The following ADAD1 variants were observed in gnomAD, a reference collection of about 807,000 sequenced individuals.
The protein encoded by ADAD1 is adenosine deaminase domain containing 1.
In ADAD1, 46 loss-of-function variants were observed where a neutral mutation model predicts 66.8. The observed-to-expected ratio is 0.69, with a 90% CI of 0.54 to 0.88. The LOEUF is 0.88. Ranked by LOEUF, ADAD1 falls within the 40% of genes least tolerant of loss-of-function variation. The probability of loss-of-function intolerance (pLI) is 0.00; values close to 1 mark genes in which losing one functional copy is unlikely to be tolerated. For synonymous variants in ADAD1, 248 were observed against 229.4 expected, an observed-to-expected ratio of 1.08 and a Z score of -0.73; for missense variants, 617 against 681.8, an observed-to-expected ratio of 0.91 and a Z score of 1.06.
At chr4:122,396,400 A>G in intron 7 of ADAD1, 23 bp downstream of exon 7, 1 of 1,543,300 alleles carries the variant, frequency 6.5e-7, no homozygotes, top group South Asian at 1.3e-5. Context: ...ATTTGGGAAA[A>G]ACTAATATTG....
At chr4:122,383,187 GTT>G (rs1183884058) in intron 4 of ADAD1, among the ~76,000 whole-genome samples, 16 of 151,998 alleles carry the variant, frequency 1.1e-4, no homozygotes, top group Non-Finnish European at 2.4e-4. Context: ...TAATTCTTTA[GTT>G]TATCATTATG....
rs1203549129 is a variant in ADAD1, at chr4:122,387,747, T to TTTTTTG, written c.529+3786_529+3787insGTTTTT. The stretch of plus-strand genomic sequence containing the variant: ...ATACCTTATATATTGAGAGGTTTTT[T>TTTTTTG]TTTTTTGTTTTTTGTTTTTTGTTTT... On this transcript the variant is annotated intron_variant, in intron 5 of 12. Transcript: ENST00000296513. Among the ~76,000 whole-genome samples, 12 of 151,932 alleles carry TTTTTTG rather than the reference T, an allele frequency of 7.9e-5. No homozygotes were observed. In the East Asian group the frequency reaches 2.3e-3, roughly 29 times the overall value.
rs28888457 is a variant in ADAD1 at position 122,388,451 on chromosome 4, C to A, written c.529+4485C>A. 7.0e-3 allele frequency among the ~76,000 whole-genome samples: 1,065 copies of A among 152,244 alleles called. 7 individuals are homozygous for A. The highest frequency in any genetic ancestry group is 0.024 in the African/African-American group (1,010 of 41,548). ...AGTTTCAGAAGGAATGGTACCAGCT[C>A]CTCTTTGTATTTCTGGTAGAATTCA... is the stretch of plus-strand genomic sequence containing the variant. On this transcript the variant is annotated intron_variant, in intron 5 of 12. Coordinates refer to ENST00000296513, the MANE Select transcript of ADAD1 (RefSeq NM_139243.4).
At chr4:122,425,976 T>C in intron 12 of ADAD1, among the ~76,000 whole-genome samples, 1 of 151,502 alleles carries the variant, frequency 6.6e-6, no homozygotes, top group South Asian at 2.1e-4. Flanking sequence ...TCAAAGTAAG[T>C]GGAAGGAAGG....
intron 12 of ADAD1, 116 bp from the exon 13 acceptor site, chr4:122,429,510 A>T (rs1407990354): frequency 3.3e-6 from 2 of 601,356 alleles, no homozygotes; most frequent in Non-Finnish European, 2.8e-6. Flanking sequence ...TATAGGAATT[A>T]AAAAAGACTT....
intron 7 of ADAD1, among the ~76,000 whole-genome samples, chr4:122,396,915 A>G (rs1281060096): frequency 1.3e-5 from 2 of 152,190 alleles, no homozygotes; most frequent in African/African-American, 4.8e-5. Context: ...AGATAAATAT[A>G]CTAGTCGAAA....
chr4:122,380,269 A>C (rs1561526910), intron 3 of ADAD1, 28 bp downstream of exon 3: 1 of 1,587,752 alleles, frequency 6.3e-7, no homozygotes. Flanking sequence ...TGTAACAATG[A>C]GTCAGTTCTT....
chr4:122,393,661 G>C lies in ADAD1; in HGVS notation c.598+4G>C. On this transcript the variant is annotated splice_donor_region_variant and intron_variant, in intron 6 of 12. Coordinates refer to ENST00000296513, the MANE Select transcript of ADAD1 (RefSeq NM_139243.4). The stretch of plus-strand genomic sequence containing the variant: ...TATGTTTCAAAAGTACATTATGGTA[G>C]GAAAGTTTTTTGTGACGTTCTTCTT... 6.3e-7 allele frequency: 1 copy of C among 1,582,540 alleles called. No homozygotes were observed. The highest frequency in any genetic ancestry group is 8.6e-7 in the Non-Finnish European group (1 of 1,167,722).
chr4:122,393,752 C>T (rs1318054306), intron 6 of ADAD1, 95 bp downstream of exon 6: 19 of 901,906 alleles, frequency 2.1e-5, no homozygotes, highest in Middle Eastern at 6.1e-4. Context: ...TGAAAATGTA[C>T]ATTAACACTT....
chr4:122,396,306 A>G lies in ADAD1; in HGVS notation c.653A>G (p.Asn218Ser). 1.2e-6 allele frequency: 2 copies of G among 1,600,848 alleles called. No homozygotes were observed. Among genetic ancestry groups the G allele is most frequent in the Non-Finnish European group, 1.7e-6 (2 of 1,174,290 alleles). ...TCACAGATCGTTAAAGAAAGATTTA[A>G]TCAACTAATTTCTAATCGTTCAGAA... ...KISQIVKERFNQLISNRSEYL... is the reference protein window; with the variant it reads ...KISQIVKERFSQLISNRSEYL... The change falls in exon 7 of 13, where the codon AAT becomes AGT. Residue 218 changes from asparagine (N) to serine (S), a missense_variant. Physicochemically the swap from Asn to Ser is conservative, Grantham distance 46 (BLOSUM62 1). Coordinates refer to ENST00000296513, the MANE Select transcript of ADAD1 (RefSeq NM_139243.4).
At chr4:122,384,161 A>C (rs1375419221) in intron 5 of ADAD1, among the ~76,000 whole-genome samples, 195 bp downstream of exon 5, 2 of 152,214 alleles carry the variant, frequency 1.3e-5, no homozygotes, top group Non-Finnish European at 2.9e-5. Flanking sequence ...CAGCACTGAA[A>C]GGTATAATCA....
rs190781547 is a variant in ADAD1 at position 122,409,454 on chromosome 4, G to A, written c.848+1423G>A. ...AGCGTTCATAAGCTATTTTGACACA[G>A]GCATACAGTGCATAATAGTCACTTT... On this transcript the variant is annotated intron_variant, in intron 8 of 12. Coordinates refer to ENST00000296513, the MANE Select transcript of ADAD1 (RefSeq NM_139243.4). Among the ~76,000 whole-genome samples, 89 of 152,032 alleles carry A rather than the reference G, an allele frequency of 5.9e-4. No homozygotes were observed. The Middle Eastern group carries it at 0.01, about 17-fold the overall frequency.
intron 12 of ADAD1, among the ~76,000 whole-genome samples, chr4:122,425,790 G>A (rs1391245664): frequency 6.6e-6 from 1 of 151,978 alleles, no homozygotes; most frequent in East Asian, 1.9e-4. Flanking sequence ...AGCATCTGCA[G>A]ATTTCGGTAT....
chr4:122,386,436 A>G (rs1230855800), intron 5 of ADAD1, among the ~76,000 whole-genome samples: 1 of 152,020 alleles, frequency 6.6e-6, no homozygotes, highest in Non-Finnish European at 1.5e-5. Context: ...TAAATTCTGG[A>G]TATTAGACCT....
At chr4:122,387,821 A>G (rs575001870) in intron 5 of ADAD1, among the ~76,000 whole-genome samples, 2 of 150,346 alleles carry the variant, frequency 1.3e-5, no homozygotes, top group East Asian at 2.0e-4. Flanking sequence ...GTGCAATGGC[A>G]TGATCTCGGC....
rs751181043 is a variant in ADAD1, at chr4:122,415,429, C to T, written c.1300C>T (p.Arg434Cys). 1.2e-6 allele frequency: 2 copies of T among 1,613,668 alleles called. No homozygotes were observed. The highest frequency in any genetic ancestry group is 1.7e-5 in the Admixed American group (1 of 59,976). ...TRGLEIAIKQ[R>C]VDDALTSKLP... ...AGGCTTAGAAATCGCTATAAAGCAA[C>T]GTGTTGATGATGCACTCACTTCAAA... Residue 434 changes from arginine to cysteine, a missense_variant, in exon 11 of 13, where the codon CGT becomes TGT. Arg to Cys is a radical substitution (Grantham distance 180). Transcript: ENST00000296513.
intron 7 of ADAD1, among the ~76,000 whole-genome samples, chr4:122,399,559 G>T (rs1042492857): frequency 6.6e-6 from 1 of 152,018 alleles, no homozygotes; most frequent in East Asian, 1.9e-4. Flanking sequence ...CATTGAATCT[G>T]TAGATTGCTT....
In ADAD1 at chr4:122,388,191, C is replaced by T. The variant is rs532365698; in HGVS notation, c.529+4225C>T. Among the ~76,000 whole-genome samples the T allele has an allele frequency of 2.1e-3, 327 of 152,288 alleles. 1 individual carries two copies. The highest frequency in any genetic ancestry group is 7.6e-3 in the African/African-American group (315 of 41,548). On this transcript the variant is annotated intron_variant, in intron 5 of 12. Coordinates refer to ENST00000296513, the MANE Select transcript of ADAD1 (RefSeq NM_139243.4). ...CATTTATTGATTTGTGTATGTTGAA[C>T]CAGCCTTGCATTCCAGGGATGAAGC... is the stretch of plus-strand genomic sequence containing the variant.
intron 7 of ADAD1, among the ~76,000 whole-genome samples, chr4:122,397,090 C>T (rs1340643867): frequency 6.6e-6 from 1 of 152,040 alleles, no homozygotes; most frequent in African/African-American, 2.4e-5. Context: ...GAAAGGAAGA[C>T]ATTTTTGCAG....
Sources: allele counts gnomAD v4.1 joint callset (sites outside exome capture counted in the v4.1 genomes callset), GRCh38; gene constraint gnomAD v4.1.1; transcripts MANE v1.5; gene names NCBI Gene and HGNC (gene_info 2026-07-23, HGNC 2026-07-21).